Variants in CEP78 observed in about 807,000 individuals in gnomAD.
CEP78 encodes the protein centrosomal protein 78.
A neutral mutation model predicts 81.2 loss-of-function variants in CEP78; 76 were observed. That is an observed-to-expected ratio of 0.94 (90% confidence interval 0.78 to 1.13). The LOEUF (loss-of-function observed/expected upper bound fraction) is 1.13. Ranked by LOEUF, CEP78 falls within the 50% of genes most tolerant of loss-of-function variation. CEP78 has a pLI of 0.00. For synonymous variants in CEP78, 293 were observed against 301.4 expected (o/e 0.97, Z 0.29); for missense variants, 918 against 846.8 (o/e 1.08, Z -1.04).
intron 8 of CEP78, chr9:78,250,343 A>G (rs534904692): frequency 1.9e-4 from 76 of 398,048 alleles, no homozygotes; most frequent in African/African-American, 1.2e-3. Flanking sequence ...TATGTAAATT[A>G]TGTCACATTC....
rs115891226 is a variant in CEP78 at position 78,239,898 on chromosome 9, A to G, written c.254-125A>G. 1.0e-3 allele frequency: 745 copies of G among 732,078 alleles called. 3 individuals carry two copies. In the African/African-American group the frequency reaches 0.013, roughly 13 times the overall value. The allele number at this position is 732,078 out of a possible 1,614,324, so 45.3% of individuals were successfully genotyped here. ...TATATCCCATGTGGCTTGAGTTTAC[A>G]TGTGTCTGTGCTTAAGAGGACTTTA... On this transcript the variant is annotated intron_variant, in intron 1 of 16. Transcript: ENST00000643273.
Position 78,272,112 on chromosome 9 carries a change from T to G in CEP78, c.*1261T>G, listed in dbSNP as rs1827705049. 6.6e-6 allele frequency: 1 copy of G among 152,168 alleles called. No homozygotes were observed. Among genetic ancestry groups the G allele is most frequent in the Non-Finnish European group, 1.5e-5 (1 of 68,088 alleles). The allele number at this position is 152,168 out of a possible 1,614,324, so 9.4% of individuals were successfully genotyped here. On this transcript the variant is annotated 3_prime_UTR_variant, in exon 17 of 17. Coordinates refer to ENST00000643273, the MANE Select transcript of CEP78 (RefSeq NM_001330691.3). Reference sequence around the variant, plus strand: ...TTTGTATTTTTAGTAAAGACGGGGTTTCACCATGTTGGCCAGGCTGGTCTC... The same window carrying G: ...TTTGTATTTTTAGTAAAGACGGGGTGTCACCATGTTGGCCAGGCTGGTCTC...
chr9:78,252,164 G>T, intron 9 of CEP78, 121 bp downstream of exon 9: 1 of 815,826 alleles, frequency 1.2e-6, no homozygotes, highest in East Asian at 2.7e-5. Flanking sequence ...GACTCATGTG[G>T]CTTCTGCCTC....
chr9:78,253,284 A>G lies in CEP78; in HGVS notation c.1251+7A>G, dbSNP rs1368424026. The G allele has an allele frequency of 1.5e-5, 19 of 1,276,334 alleles. No homozygotes were observed. Among genetic ancestry groups the G allele is most frequent in the Non-Finnish European group, 2.0e-5 (18 of 885,616 alleles). 79.1% of individuals were successfully genotyped at this position (1,276,334 alleles called of 1,614,324 possible). ...TATATGTAATCAGTTGCAGGTACGT[A>G]GTTACCATGTTTATAATATGTAGGG... is the stretch of plus-strand genomic sequence containing the variant. On this transcript the variant is annotated splice_region_variant and intron_variant, in intron 10 of 16. Transcript: ENST00000643273.
Position 78,275,612 on chromosome 9 carries a change from A to C in CEP78, c.*4761A>C, listed in dbSNP as rs1424658429. On this transcript the variant is annotated 3_prime_UTR_variant, in exon 17 of 17. Coordinates refer to ENST00000643273, the MANE Select transcript of CEP78 (RefSeq NM_001330691.3). The stretch of plus-strand genomic sequence containing the variant: ...AAGAGGGAAACTCTGTCTCCAAAAA[A>C]AAAAAAAAAAAAATACAGTTAGAAA... The C allele has an allele frequency of 6.7e-6, 1 of 150,126 alleles. No homozygotes were observed. 9.3% of individuals were successfully genotyped at this position (150,126 alleles called of 1,614,324 possible).
intron 5 of CEP78, 65 bp downstream of exon 5, chr9:78,243,701 T>C (rs1247174697): frequency 1.5e-6 from 2 of 1,352,230 alleles, no homozygotes; most frequent in East Asian, 4.8e-5. Context: ...TGCTTAACTC[T>C]TGGCACAGTA....
chr9:78,248,404 TC>T, intron 7 of CEP78, 49 bp downstream of exon 7: 1 of 1,188,076 alleles, frequency 8.4e-7, no homozygotes. Flanking sequence ...TAATTGCTTT[TC>T]TTCTGGGATC....
In CEP78 at chr9:78,272,613, GA is replaced by G. The variant is rs1159715515; in HGVS notation, c.*1768del. 1 of 152,148 alleles carries G rather than the reference GA, an allele frequency of 6.6e-6. No individual in the cohort carries two copies. The highest frequency in any genetic ancestry group is 1.5e-5 in the Non-Finnish European group (1 of 68,030). The allele number at this position is 152,148 out of a possible 1,614,324, so 9.4% of individuals were successfully genotyped here. A position where few individuals can be genotyped will look rare whatever the true frequency, so the allele number is the denominator to read the frequency against. Reference sequence around the variant, plus strand: ...TAGTGTTTGATTCTAGGTATTGATTGAAAAAATATATTAAAATATATATAAA... The same window carrying G: ...TAGTGTTTGATTCTAGGTATTGATTGAAAAATATATTAAAATATATATAAA... On this transcript the variant is annotated 3_prime_UTR_variant, in exon 17 of 17. Transcript: ENST00000643273.
At position 78,271,481 on chromosome 9, in the gene CEP78, T is replaced by A. The variant is rs1468130830; in HGVS notation, c.*630T>A. The A allele has an allele frequency of 4.6e-5, 7 of 152,094 alleles. No individual in the cohort carries two copies. Among genetic ancestry groups the A allele is most frequent in the Non-Finnish European group, 1.0e-4 (7 of 68,016 alleles). The allele number at this position is 152,094 out of a possible 1,614,324, so 9.4% of individuals were successfully genotyped here. A position where few individuals can be genotyped will look rare whatever the true frequency, so the allele number is the denominator to read the frequency against. ...AAAGAATAGGATGCCATGAAAAAAATATTTAGAGTTTCTGGAAATTAAAAA... is the reference window on the plus strand; with the variant it reads ...AAAGAATAGGATGCCATGAAAAAAAAATTTAGAGTTTCTGGAAATTAAAAA... On this transcript the variant is annotated 3_prime_UTR_variant, in exon 17 of 17. Transcript: ENST00000643273.
intron 11 of CEP78, among the ~76,000 whole-genome samples, chr9:78,255,750 C>T (rs1279891928): frequency 6.6e-6 from 1 of 152,088 alleles, no homozygotes; most frequent in Non-Finnish European, 1.5e-5. Context: ...AGAATTGTCC[C>T]TATTATAAAT....
Position 78,236,531 on chromosome 9 carries a change from A to G in CEP78, c.181A>G (p.Thr61Ala). ...GGTGGACTGGGCGCCTCTGCTGAGC[A>G]CCCTCAAGATCAATAAAGACCTGCC... Reference protein sequence around the residue: ...RGVDWAPLLSTLKINKDLPLV... With the variant: ...RGVDWAPLLSALKINKDLPLV... The change falls in exon 1 of 17, where the codon ACC becomes GCC. Residue 61 changes from threonine to alanine, a missense_variant. Physicochemically the swap from Thr to Ala is moderately conservative, Grantham distance 58. Coordinates refer to ENST00000643273, the MANE Select transcript of CEP78 (RefSeq NM_001330691.3). 1 of 1,605,866 alleles carries G rather than the reference A, an allele frequency of 6.2e-7. No individual in the cohort carries two copies. The highest frequency in any genetic ancestry group is 8.5e-7 in the Non-Finnish European group (1 of 1,176,278).
At chr9:78,256,408 G>C (rs1412326541) in intron 11 of CEP78, among the ~76,000 whole-genome samples, 2 of 152,080 alleles carry the variant, frequency 1.3e-5, no homozygotes, top group East Asian at 3.9e-4. Flanking sequence ...AGGGTAGATA[G>C]TGTGGATTTT....
Position 78,266,481 on chromosome 9 carries a change from C to G in CEP78, c.1885C>G (p.Leu629Val). ...AGGTGATGCTAGAATTCCTTTGCCT[C>G]TCGACTCCTTTCCTGTCCCAGTTTC... The part of the protein sequence containing the change: ...ITGDARIPLP[L>V]DSFPVPVSTP... The change falls in exon 16 of 17, where the codon CTC becomes GTC. Residue 629 changes from leucine to valine, a missense_variant. Physicochemically the swap from Leu to Val is conservative, Grantham distance 32. Coordinates refer to ENST00000643273, the MANE Select transcript of CEP78 (RefSeq NM_001330691.3). 1 of 1,612,416 alleles carries G rather than the reference C, an allele frequency of 6.2e-7. No individual in the cohort carries two copies. Among genetic ancestry groups the G allele is most frequent in the Non-Finnish European group, 8.5e-7 (1 of 1,178,860 alleles).
rs1411529353 is a variant in CEP78, at chr9:78,271,727, TCTCA to T, written c.*881_*884del. 1 of 150,836 alleles carries T rather than the reference TCTCA, an allele frequency of 6.6e-6. No homozygotes were observed. Among genetic ancestry groups the T allele is most frequent in the Non-Finnish European group, 1.5e-5 (1 of 67,718 alleles). 9.3% of individuals were successfully genotyped at this position (150,836 alleles called of 1,614,324 possible). A position where few individuals can be genotyped will look rare whatever the true frequency, so the allele number is the denominator to read the frequency against. ...TGGGTTTTTTTTTTTTGAGTCAAGG[TCTCA>T]CTCATGTCACCCAGGCTGGGGTGTA... is the stretch of plus-strand genomic sequence containing the variant. On this transcript the variant is annotated 3_prime_UTR_variant, in exon 17 of 17. Coordinates refer to ENST00000643273, the MANE Select transcript of CEP78 (RefSeq NM_001330691.3).
chr9:78,261,938 A>G (rs1001512606), intron 11 of CEP78, among the ~76,000 whole-genome samples: 4 of 152,134 alleles, frequency 2.6e-5, no homozygotes, highest in African/African-American at 9.7e-5. Context: ...CCTTTGAGAA[A>G]ATTTTTGAAA....
At chr9:78,260,016 A>G (rs1430167753) in intron 11 of CEP78, among the ~76,000 whole-genome samples, 1 of 152,228 alleles carries the variant, frequency 6.6e-6, no homozygotes, top group Non-Finnish European at 1.5e-5. Flanking sequence ...TGTGGTACAC[A>G]TAAATGCTGG....
At chr9:78,269,353 A>G (rs1159264468) in intron 16 of CEP78, among the ~76,000 whole-genome samples, 1 of 152,240 alleles carries the variant, frequency 6.6e-6, no homozygotes, top group African/African-American at 2.4e-5. Flanking sequence ...AGTTTGGAGC[A>G]GGTTGAACAC....
chr9:78,264,025 T>C, intron 12 of CEP78, 125 bp from the exon 13 acceptor site: 1 of 623,498 alleles, frequency 1.6e-6, no homozygotes, highest in East Asian at 3.2e-5. Flanking sequence ...CTGTCTTTAC[T>C]GGTAGAGAGT....
In CEP78 at chr9:78,236,295, G is replaced by C; in HGVS notation, c.-56G>C. On this transcript the variant is annotated 5_prime_UTR_variant, in exon 1 of 17. Transcript: ENST00000643273. ...GGCCGGGTTGCGACTCAGCGTTCTTGGGTGGGCGCGGGCGGCGTCTCCGCG... is the reference window on the plus strand; with the variant it reads ...GGCCGGGTTGCGACTCAGCGTTCTTCGGTGGGCGCGGGCGGCGTCTCCGCG... 1.3e-6 allele frequency: 2 copies of C among 1,484,378 alleles called. No homozygotes were observed. Among genetic ancestry groups the C allele is most frequent in the Non-Finnish European group, 1.8e-6 (2 of 1,104,900 alleles). The allele number at this position is 1,484,378 out of a possible 1,614,324, so 92.0% of individuals were successfully genotyped here.
Sources: gnomAD v4.1 joint callset for allele counts (sites outside exome capture counted in the v4.1 genomes callset) on GRCh38, gnomAD v4.1.1 for gene constraint, MANE v1.5 for transcripts, NCBI Gene and HGNC (gene_info 2026-07-23, HGNC 2026-07-21) for gene names.